The following SPIN1 variants were observed in gnomAD, a reference collection of about 807,000 sequenced individuals.
SPIN1 encodes spindlin 1, also known as spindlin-1.
In SPIN1, 3 loss-of-function variants were observed where a neutral mutation model predicts 26.0. The ratio of observed to expected loss-of-function variants is 0.12; its 90% CI spans 0.05 to 0.30. SPIN1 has a LOEUF of 0.30. SPIN1 is among the 10% of genes least tolerant of loss of function. SPIN1 has a pLI of 1.00. For synonymous variants in SPIN1, 101 were observed against 116.5 expected, an observed-to-expected ratio of 0.87 and a Z score of 0.86; for missense variants, 126 against 333.4, an observed-to-expected ratio of 0.38 and a Z score of 4.84.
In SPIN1 at chr9:88,461,974, T is replaced by G. The variant is rs145549339; in HGVS notation, c.102-522T>G. On this transcript the variant is annotated intron_variant, in intron 3 of 5. Coordinates refer to ENST00000375859, the MANE Select transcript of SPIN1 (RefSeq NM_006717.3). ...TGGACTTCAGTTTAAGAGAAAATTG[T>G]CTAGTTTATTTTTATTAGTTAAGCT... Among the ~76,000 whole-genome samples the G allele has an allele frequency of 5.4e-4, 82 of 152,338 alleles. 1 individual carries two copies. The highest frequency in any genetic ancestry group is 1.9e-3 in the African/African-American group (79 of 41,584).
At chr9:88,458,412 C>G (rs566186688) in intron 3 of SPIN1, among the ~76,000 whole-genome samples, 1 of 152,154 alleles carries the variant, frequency 6.6e-6, no homozygotes, top group Non-Finnish European at 1.5e-5. Context: ...GGACTCTTGG[C>G]CAGATACAAG....
intron 3 of SPIN1, among the ~76,000 whole-genome samples, chr9:88,449,723 C>G (rs1263433863): frequency 1.3e-5 from 2 of 152,164 alleles, no homozygotes; most frequent in East Asian, 1.9e-4. Flanking sequence ...TATGCCACTT[C>G]AAACTGGAAA....
At chr9:88,440,842 G>A (rs904893269) in intron 2 of SPIN1, among the ~76,000 whole-genome samples, 1 of 151,760 alleles carries the variant, frequency 6.6e-6, no homozygotes, top group African/African-American at 2.4e-5. Context: ...GCCTCCCAAA[G>A]TGCTGGGATT....
chr9:88,441,865 G>A (rs1180608870), intron 2 of SPIN1, among the ~76,000 whole-genome samples: 3 of 147,088 alleles, frequency 2.0e-5, no homozygotes, highest in African/African-American at 7.5e-5. Flanking sequence ...TATTATAATT[G>A]TATATTATAT....
Position 88,475,347 on chromosome 9 carries a change from T to A in SPIN1, c.*70T>A. On this transcript the variant is annotated 3_prime_UTR_variant, in exon 6 of 6. Coordinates refer to ENST00000375859, the MANE Select transcript of SPIN1 (RefSeq NM_006717.3). ...TTATTTGTAGACATAAAGACTTGAT[T>A]GCTTTCCAGTTTAATGAAAGCTTAA... The A allele has an allele frequency of 3.4e-6, 5 of 1,492,434 alleles. No homozygotes were observed. The highest frequency in any genetic ancestry group is 3.7e-6 in the Non-Finnish European group (4 of 1,089,570). 92.4% of individuals were successfully genotyped at this position (1,492,434 alleles called of 1,614,324 possible).
At chr9:88,414,935 G>T (rs866034385) in intron 1 of SPIN1, among the ~76,000 whole-genome samples, 2 of 152,032 alleles carry the variant, frequency 1.3e-5, no homozygotes, top group Admixed American at 6.6e-5. Flanking sequence ...ATGGAGTCTC[G>T]CTGTGTCACC....
At chr9:88,429,808 C>T (rs566605288) in intron 2 of SPIN1, among the ~76,000 whole-genome samples, 2 of 152,250 alleles carry the variant, frequency 1.3e-5, no homozygotes, top group African/African-American at 4.8e-5. Flanking sequence ...ATCCTTTAGT[C>T]ATGCCTTGGT....
chr9:88,457,894 A>G (rs941729506), intron 3 of SPIN1: 3 of 984,828 alleles, frequency 3.0e-6, no homozygotes, highest in Non-Finnish European at 3.6e-6. Context: ...AGTTACTAAG[A>G]TAGTAGCAAA....
rs1465554729 is a variant in SPIN1 at position 88,477,370 on chromosome 9, A to T, written c.*2093A>T. The T allele has an allele frequency of 6.6e-6, 1 of 152,196 alleles. No homozygotes were observed. The highest frequency in any genetic ancestry group is 1.5e-5 in the Non-Finnish European group (1 of 68,036). The allele number at this position is 152,196 out of a possible 1,614,324, so 9.4% of individuals were successfully genotyped here. A position where few individuals can be genotyped will look rare whatever the true frequency, so the allele number is the denominator to read the frequency against. On this transcript the variant is annotated 3_prime_UTR_variant, in exon 6 of 6. Transcript: ENST00000375859. ...TTGGGTCAATTGAGACATTTCTAGC[A>T]TTACTTAATGACTTGCATTGTGGTT...
chr9:88,457,793 G>A (rs1828499535), intron 3 of SPIN1: 1 of 958,126 alleles, frequency 1.0e-6, no homozygotes. Flanking sequence ...ACCAGAGGAT[G>A]TATCTAGAAA....
intron 1 of SPIN1, among the ~76,000 whole-genome samples, chr9:88,393,555 A>G (rs1279014563): frequency 2.1e-5 from 3 of 144,048 alleles, no homozygotes; most frequent in Non-Finnish European, 4.5e-5. Context: ...CCCGGGAGTC[A>G]AGCGATTCTC....
chr9:88,393,880 C>T (rs1355977850), intron 1 of SPIN1, among the ~76,000 whole-genome samples: 1 of 151,994 alleles, frequency 6.6e-6, no homozygotes, highest in Non-Finnish European at 1.5e-5. Context: ...GACAGTCTTG[C>T]TCTGTCACCC....
At chr9:88,450,882 T>C (rs76655677) in intron 3 of SPIN1, among the ~76,000 whole-genome samples, 2,944 of 152,244 alleles carry the variant, frequency 0.019, 72 homozygotes, top group African/African-American at 0.063. Context: ...CAGGGATGGC[T>C]GCATGGAGCT....
At chr9:88,448,801 GCTTT>G (rs1187264912) in intron 2 of SPIN1, 136 bp from the exon 3 acceptor site, 1 of 632,156 alleles carries the variant, frequency 1.6e-6, no homozygotes, top group Non-Finnish European at 2.7e-6. Context: ...TAAACAAATG[GCTTT>G]CTTAACATGT....
chr9:88,439,708 T>C (rs2118087128), intron 2 of SPIN1, among the ~76,000 whole-genome samples: 1 of 152,304 alleles, frequency 6.6e-6, no homozygotes, highest in East Asian at 1.9e-4. Flanking sequence ...TCTTGGAGAG[T>C]TGACACCTTT....
intron 2 of SPIN1, among the ~76,000 whole-genome samples, chr9:88,448,090 C>G (rs1191543701): frequency 6.6e-6 from 1 of 150,820 alleles, no homozygotes; most frequent in Non-Finnish European, 1.5e-5. Flanking sequence ...GTTGCCCAGG[C>G]TGGAGTGCAG....
chr9:88,409,992 T>C (rs1189153138), intron 1 of SPIN1, among the ~76,000 whole-genome samples: 2 of 152,184 alleles, frequency 1.3e-5, no homozygotes, highest in African/African-American at 4.8e-5. Flanking sequence ...CGAATTTTAG[T>C]TCTTTTCTCC....
chr9:88,414,042 A>G (rs1324055930), intron 1 of SPIN1, among the ~76,000 whole-genome samples: 1 of 151,894 alleles, frequency 6.6e-6, no homozygotes, highest in East Asian at 1.9e-4. Flanking sequence ...AAAAAAAAAA[A>G]ATACAAATTA....
intron 1 of SPIN1, among the ~76,000 whole-genome samples, chr9:88,408,971 TTGTGTGTGTTTGTGTGTGTG>T (rs1262849738): frequency 8.2e-6 from 1 of 122,484 alleles, no homozygotes; most frequent in East Asian, 2.1e-4. Context: ...CCTTTTGTGT[TTGTGTGTGTTTGTGTGTGTG>T]TGTGTGTGTG....
Sources: allele counts gnomAD v4.1 joint callset (sites outside exome capture counted in the v4.1 genomes callset), GRCh38; gene constraint gnomAD v4.1.1; transcripts MANE v1.5; gene names NCBI Gene and HGNC (gene_info 2026-07-23, HGNC 2026-07-21).